Variants in USP42 observed in about 807,000 individuals in gnomAD.
USP42 encodes the protein ubiquitin carboxyl-terminal hydrolase 42.
USP42 carries 23 observed loss-of-function variants against 113.0 expected under a neutral mutation model. The observed-to-expected ratio is 0.20, with a 90% CI of 0.15 to 0.29. USP42 has a LOEUF of 0.29. USP42 is among the 10% of genes least tolerant of loss of function. USP42 has a pLI of 1.00. For synonymous variants in USP42, 933 were observed against 699.0 expected, an observed-to-expected ratio of 1.33 and a Z score of -5.28; for missense variants, 2,174 against 1,779.8, an observed-to-expected ratio of 1.22 and a Z score of -3.99.
At chr7:6,113,762 C>A (rs914560684) in intron 2 of USP42, among the ~76,000 whole-genome samples, 24 of 152,138 alleles carry the variant, frequency 1.6e-4, no homozygotes, top group African/African-American at 5.6e-4. Context: ...GCTGGGACTA[C>A]AGGTGCCTGC....
intron 6 of USP42, 126 bp downstream of exon 6, chr7:6,140,321 C>T: frequency 2.3e-6 from 2 of 876,882 alleles, no homozygotes; most frequent in South Asian, 3.4e-5. Context: ...GATTCTCATT[C>T]CTTTTACCCA....
chr7:6,119,440 C>T (rs1583596493), intron 3 of USP42, among the ~76,000 whole-genome samples: 1 of 152,252 alleles, frequency 6.6e-6, no homozygotes, highest in East Asian at 1.9e-4. Flanking sequence ...AGGTACGCTG[C>T]AGCCTGGGCA....
the USP42 span, among the ~76,000 whole-genome samples, chr7:6,082,958 T>A: frequency 1.3e-4 from 19 of 147,332 alleles, 1 homozygote; most frequent in South Asian, 1.0e-3. Context: ...TATATTTATT[T>A]ATTTTAATTT....
chr7:6,119,044 G>T (rs1780065046), intron 3 of USP42, among the ~76,000 whole-genome samples: 1 of 148,938 alleles, frequency 6.7e-6, no homozygotes. Flanking sequence ...TCAAGACCCT[G>T]TCTCTCCAAA....
chr7:6,083,812 A>G, the USP42 span, among the ~76,000 whole-genome samples: 118 of 149,976 alleles, frequency 7.9e-4, 2 homozygotes, highest in East Asian at 0.019. Flanking sequence ...CCCCTTCCTT[A>G]CTCAATCTGC....
intron 3 of USP42, among the ~76,000 whole-genome samples, chr7:6,120,462 C>CA (rs1263653446): frequency 6.6e-6 from 1 of 152,076 alleles, no homozygotes; most frequent in Non-Finnish European, 1.5e-5. Context: ...AGGCTGGTCT[C>CA]AAACTCCTGA....
chr7:6,144,464 G>A (rs1046699809), intron 9 of USP42, among the ~76,000 whole-genome samples: 4 of 152,150 alleles, frequency 2.6e-5, no homozygotes, highest in Non-Finnish European at 4.4e-5. Context: ...TTTGTTTTCT[G>A]ATTGGTAGTA....
chr7:6,146,367 G>C, intron 11 of USP42, 119 bp downstream of exon 11: 1 of 709,990 alleles, frequency 1.4e-6, no homozygotes, highest in African/African-American at 1.8e-5. Flanking sequence ...GCAGCTTAAA[G>C]ATCAACTCTA....
At chr7:6,108,413 G>C (rs1779410362) in intron 1 of USP42, among the ~76,000 whole-genome samples, 2 of 152,112 alleles carry the variant, frequency 1.3e-5, no homozygotes, top group South Asian at 4.1e-4. Context: ...TGAGCAGCCA[G>C]TTTGGAAAGT....
chr7:6,158,268 A>AGGGAC lies in USP42; in HGVS notation c.3944-1181_3944-1177dup. On this transcript the variant is annotated intron_variant, in intron 16 of 17. Coordinates refer to ENST00000306177, the MANE Select transcript of USP42 (RefSeq NM_032172.3). This position sits in a 1 kb window ranked among gnomAD's most constrained non-coding sequence, Gnocchi z 4.2. ...CAGAGGTGAGTGGCTGCGGCAGGGC[A>AGGGAC]GGGACCGTGTGGCTCGCAAAGCGGA... Among the ~76,000 whole-genome samples, 1 of 152,358 alleles carries AGGGAC rather than the reference A, an allele frequency of 6.6e-6. No homozygotes were observed. Among genetic ancestry groups the AGGGAC allele is most frequent in the East Asian group, 1.9e-4 (1 of 5,174 alleles).
chr7:6,105,617 C>T (rs1779236071), intron 1 of USP42, among the ~76,000 whole-genome samples: 1 of 152,126 alleles, frequency 6.6e-6, no homozygotes, highest in Non-Finnish European at 1.5e-5. Context: ...CTGGCTGCTC[C>T]GTGGAGAGTC....
chr7:6,090,735 CTAACTA>C, the USP42 span, among the ~76,000 whole-genome samples: 1 of 145,048 alleles, frequency 6.9e-6, no homozygotes, highest in African/African-American at 2.6e-5. Flanking sequence ...AAAAACAAAA[CTAACTA>C]TATATATATT....
intron 3 of USP42, among the ~76,000 whole-genome samples, chr7:6,131,348 G>A (rs1164703393): frequency 6.6e-6 from 1 of 152,004 alleles, no homozygotes; most frequent in African/African-American, 2.4e-5. Context: ...GGTGGTGCAT[G>A]CCTGTAATCC....
rs746559038 is a variant in USP42 at position 6,154,307 on chromosome 7, C to G, written c.2753C>G (p.Pro918Arg). The G allele has an allele frequency of 6.3e-7, 1 of 1,582,022 alleles. No individual in the cohort carries two copies. The highest frequency in any genetic ancestry group is 8.6e-7 in the Non-Finnish European group (1 of 1,164,830). The change falls in exon 15 of 18, where the codon CCT becomes CGT. Residue 918 changes from proline to arginine, a missense_variant. Transcript: ENST00000306177. Reference protein sequence around the residue: ...PAGHPEGDAEPSPGERVEDAA... With the variant: ...PAGHPEGDAERSPGERVEDAA... ...GGTCACCCGGAAGGGGACGCTGAGC[C>G]TAGCCCCGGCGAGAGGGTCGAGGAC... is the stretch of plus-strand genomic sequence containing the variant.
Position 6,157,266 on chromosome 7 carries a change from C to G in USP42, c.3943+211C>G, listed in dbSNP as rs1157373399. ...TAAGCCCTTAGCGTTTATTGAAGGC[C>G]TAAGTGACACAGGACTGAGGGCAGC... On this transcript the variant is annotated intron_variant, in intron 16 of 17. Transcript: ENST00000306177. The surrounding 1 kb of genome is among the most constrained non-coding windows in gnomAD (Gnocchi z 4.1). 22 of 1,319,356 alleles carry G rather than the reference C, an allele frequency of 1.7e-5. No homozygotes were observed. The highest frequency in any genetic ancestry group is 3.0e-5 in the African/African-American group (2 of 66,118). The allele number at this position is 1,319,356 out of a possible 1,614,324, so 81.7% of individuals were successfully genotyped here.
At chr7:6,129,002 G>T (rs558315063) in intron 3 of USP42, among the ~76,000 whole-genome samples, 1 of 151,902 alleles carries the variant, frequency 6.6e-6, no homozygotes, top group South Asian at 2.1e-4. Flanking sequence ...TGTAGAGACA[G>T]GGTTTCACCA....
chr7:6,121,182 G>A lies in USP42; in HGVS notation c.442+5659G>A, dbSNP rs541368864. On this transcript the variant is annotated intron_variant, in intron 3 of 17. Coordinates refer to ENST00000306177, the MANE Select transcript of USP42 (RefSeq NM_032172.3). ...CTAGTAAAGAGACCTCCATTACATT[G>A]TTAAATAGAGGTGATAAGAGTAAAA... is the stretch of plus-strand genomic sequence containing the variant. Among the ~76,000 whole-genome samples the A allele has an allele frequency of 5.9e-5, 9 of 151,998 alleles. 1 individual carries two copies. Among genetic ancestry groups the A allele is most frequent in the African/African-American group, 2.2e-4 (9 of 41,432 alleles).
In USP42 at chr7:6,147,780, C is replaced by G; in HGVS notation, c.1274C>G (p.Thr425Ser). Residue 425 changes from threonine (T) to serine (S), a missense_variant, in exon 12 of 18, where the codon ACC (threonine) becomes AGC (serine). Transcript: ENST00000306177. ...VKNGGELTHP[T>S]HSPGQSSPRP... The stretch of plus-strand genomic sequence containing the variant: ...AATGGAGGTGAACTTACTCATCCCA[C>G]CCATAGCCCCGGCCAGTCCTCTCCC... 2 of 1,604,846 alleles carry G rather than the reference C, an allele frequency of 1.2e-6. No individual in the cohort carries two copies. The highest frequency in any genetic ancestry group is 1.1e-5 in the South Asian group (1 of 90,192).
In USP42 at chr7:6,146,157, G is replaced by A; in HGVS notation, c.1141G>A (p.Gly381Ser). Residue 381 changes from glycine (G) to serine (S), a missense_variant, in exon 11 of 18, where the codon GGC (glycine) becomes AGC (serine). Transcript: ENST00000306177. Reference sequence around the variant, plus strand: ...TGGCTCTCATTTATAGGCTAGCAATGGCCTCTGGTATCAAATGAATGACTC... The same window carrying A: ...TGGCTCTCATTTATAGGCTAGCAATAGCCTCTGGTATCAAATGAATGACTC... ...HYFCYIKASN[G>S]LWYQMNDSIV... The A allele has an allele frequency of 6.3e-7, 1 of 1,590,656 alleles. No individual in the cohort carries two copies. The highest frequency in any genetic ancestry group is 8.6e-7 in the Non-Finnish European group (1 of 1,168,178).
Sources: allele counts gnomAD v4.1 joint callset (sites outside exome capture counted in the v4.1 genomes callset), GRCh38; gene constraint gnomAD v4.1.1; non-coding constraint Gnocchi (gnomAD v3.1); transcripts MANE v1.5; gene names NCBI Gene and HGNC (gene_info 2026-07-23, HGNC 2026-07-21).